The following ZC3H6 variants were observed in gnomAD, a reference collection of about 807,000 sequenced individuals.
The protein encoded by ZC3H6 is zinc finger CCCH domain-containing protein 6.
In ZC3H6, 40 loss-of-function variants were observed where a neutral mutation model predicts 107.7. That is an observed-to-expected ratio of 0.37 (90% CI 0.29 to 0.48). The LOEUF is 0.48. Ranked by LOEUF, ZC3H6 falls within the 20% of genes least tolerant of loss-of-function variation. The pLI, the probability that ZC3H6 is intolerant of heterozygous loss-of-function variation, is 0.98. For synonymous variants in ZC3H6, 493 were observed against 487.9 expected (o/e 1.01, Z -0.14); for missense variants, 1,267 against 1,410.4 (o/e 0.90, Z 1.63).
chr2:112,283,593 C>T lies in ZC3H6; in HGVS notation c.32+7567C>T, dbSNP rs180897445. ...TACATATATCAGAGTTTGTAATTTCCATAACTTCATTTGGTAGTTAGACAT... is the reference window on the plus strand; with the variant it reads ...TACATATATCAGAGTTTGTAATTTCTATAACTTCATTTGGTAGTTAGACAT... On this transcript the variant is annotated intron_variant, in intron 1 of 11. Transcript: ENST00000409871. Among the ~76,000 whole-genome samples the T allele has an allele frequency of 1.6e-3, 249 of 152,226 alleles. 1 individual carries two copies. Among genetic ancestry groups the T allele is most frequent in the African/African-American group, 5.9e-3 (244 of 41,532 alleles).
rs1310099916 is a variant in ZC3H6 at position 112,316,487 on chromosome 2, A to G, written c.765A>G (p.Lys255=). Residue 255 remains lysine (K), a synonymous_variant, in exon 6 of 12, where the codon AAA becomes AAG. Transcript: ENST00000409871. The stretch of plus-strand genomic sequence containing the variant: ...TCTTGCAGTATAATAAACCAGGGAA[A>G]AAATGGAAGGTTATGACTCAGGAAT... ...DDFQEYNKPG[K]KWKVMTQEFI... 1 of 1,607,032 alleles carries G rather than the reference A, an allele frequency of 6.2e-7. No individual in the cohort carries two copies. Among genetic ancestry groups the G allele is most frequent in the Non-Finnish European group, 8.5e-7 (1 of 1,177,518 alleles).
In ZC3H6 at chr2:112,332,256, C is replaced by G; in HGVS notation, c.3338C>G (p.Pro1113Arg). 6.2e-7 allele frequency: 1 copy of G among 1,613,914 alleles called. No individual in the cohort carries two copies. ...VGVTLEGPAD[P>R]QADVPRSSGK... ...GTCACTCTTGAGGGGCCAGCTGACC[C>G]ACAGGCGGACGTTCCCAGGAGTTCT... The change falls in exon 12 of 12, where the codon CCA (proline) becomes CGA (arginine). Residue 1113 changes from proline to arginine, a missense_variant. Physicochemically the swap from Pro to Arg is moderately radical, Grantham distance 103. Coordinates refer to ENST00000409871, the MANE Select transcript of ZC3H6 (RefSeq NM_198581.3).
At position 112,325,076 on chromosome 2, in the gene ZC3H6, G is replaced by C; in HGVS notation, c.1965G>C (p.Leu655=). 6.2e-7 allele frequency: 1 copy of C among 1,613,964 alleles called. No individual in the cohort carries two copies. Among genetic ancestry groups the C allele is most frequent in the Non-Finnish European group, 8.5e-7 (1 of 1,179,878 alleles). Residue 655 remains leucine, a synonymous_variant, in exon 11 of 12, where the codon CTG becomes CTC. Coordinates refer to ENST00000409871, the MANE Select transcript of ZC3H6 (RefSeq NM_198581.3). ...GSSTRTGHGP[L]PVPGLLPAVQ... is the part of the protein sequence containing the mutation. ...GCACTAGGACAGGCCATGGCCCTCT[G>C]CCTGTACCAGGCCTCCTCCCTGCAG... is the stretch of plus-strand genomic sequence containing the variant.
At chr2:112,277,253 C>G (rs890883388) in intron 1 of ZC3H6, among the ~76,000 whole-genome samples, 2 of 152,098 alleles carry the variant, frequency 1.3e-5, no homozygotes, top group Non-Finnish European at 2.9e-5. Context: ...GATAAGCTTG[C>G]ACTTGGCACA....
At chr2:112,299,303 T>C (rs1676316129) in intron 1 of ZC3H6, among the ~76,000 whole-genome samples, 1 of 151,028 alleles carries the variant, frequency 6.6e-6, no homozygotes, top group Non-Finnish European at 1.5e-5. Flanking sequence ...ATTTAAGAAC[T>C]GTATGCATAG....
intron 1 of ZC3H6, among the ~76,000 whole-genome samples, chr2:112,290,781 C>T (rs868126210): frequency 6.6e-6 from 1 of 152,208 alleles, no homozygotes; most frequent in African/African-American, 2.4e-5. Context: ...TGTACTTGCA[C>T]AGTAGTACTT....
intron 6 of ZC3H6, 66 bp downstream of exon 6, chr2:112,316,652 T>C: frequency 9.7e-7 from 1 of 1,032,902 alleles, no homozygotes; most frequent in South Asian, 1.7e-5. Context: ...TAAAGTCTTT[T>C]GGGGGATGGT....
intron 1 of ZC3H6, among the ~76,000 whole-genome samples, chr2:112,299,324 T>C (rs6542051): frequency 0.51 from 76,829 of 150,980 alleles, 21,702 homozygotes; most frequent in East Asian, 0.76. Context: ...GGACAAGCCA[T>C]AAGCTGCACC....
In ZC3H6 at chr2:112,333,594, T is replaced by C. The variant is rs1328592094; in HGVS notation, c.*1106T>C. On this transcript the variant is annotated 3_prime_UTR_variant, in exon 12 of 12. Transcript: ENST00000409871. ...AATCCCCTAAATTGATTAGAAATTG[T>C]ATTTTATGAAAAATAACTTGTATTC... is the stretch of plus-strand genomic sequence containing the variant. The C allele has an allele frequency of 6.6e-6, 1 of 152,170 alleles. No homozygotes were observed. The highest frequency in any genetic ancestry group is 1.5e-5 in the Non-Finnish European group (1 of 67,976). 9.4% of individuals were successfully genotyped at this position (152,170 alleles called of 1,614,324 possible).
At chr2:112,316,384 A>T in intron 5 of ZC3H6, 86 bp from the exon 6 acceptor site, 1 of 796,988 alleles carries the variant, frequency 1.3e-6, no homozygotes, top group Non-Finnish European at 2.1e-6. Context: ...GTCAATTTGT[A>T]CTTTTTTCCA....
chr2:112,293,413 A>G (rs967365501), intron 1 of ZC3H6, among the ~76,000 whole-genome samples: 2 of 152,228 alleles, frequency 1.3e-5, no homozygotes, highest in African/African-American at 2.4e-5. Flanking sequence ...TGTATTGGAT[A>G]AAGGATGAAG....
intron 11 of ZC3H6, 71 bp downstream of exon 11, chr2:112,325,268 T>G (rs1676886903): frequency 7.1e-7 from 1 of 1,414,770 alleles, no homozygotes; most frequent in African/African-American, 1.4e-5. Flanking sequence ...CCGAGGCAGG[T>G]GAATCACCTG....
intron 7 of ZC3H6, among the ~76,000 whole-genome samples, chr2:112,319,323 G>C (rs139897756): frequency 6.6e-5 from 10 of 152,080 alleles, no homozygotes; most frequent in African/African-American, 2.2e-4. Context: ...AACATAGTGA[G>C]ACACCTCCCC....
At chr2:112,280,769 A>G (rs10167090) in intron 1 of ZC3H6, among the ~76,000 whole-genome samples, 77,406 of 151,890 alleles carry the variant, frequency 0.51, 21,917 homozygotes, top group East Asian at 0.77. Flanking sequence ...AAGTAGGTTC[A>G]GGGATGATAA....
chr2:112,296,692 T>C (rs1018869140), intron 1 of ZC3H6, among the ~76,000 whole-genome samples: 1 of 152,186 alleles, frequency 6.6e-6, no homozygotes, highest in Non-Finnish European at 1.5e-5. Context: ...TTACAGCCAC[T>C]TTAGGGTCGT....
intron 2 of ZC3H6, 49 bp from the exon 3 acceptor site, chr2:112,303,180 T>A (rs1676416636): frequency 6.4e-7 from 1 of 1,574,678 alleles, no homozygotes; most frequent in African/African-American, 1.4e-5. Flanking sequence ...ACTAGTTAAA[T>A]TTTCTTCCTT....
At position 112,331,546 on chromosome 2, in the gene ZC3H6, C is replaced by T. The variant is rs375388204; in HGVS notation, c.2628C>T (p.His876=). The T allele has an allele frequency of 1.2e-5, 19 of 1,613,974 alleles. No homozygotes were observed. Among genetic ancestry groups the T allele is most frequent in the Non-Finnish European group, 1.6e-5 (19 of 1,179,876 alleles). ...TAACCAAACCCAACTTTGCAAAACA[C>T]ATCGTGTGGGCTCCCGAAGACTTAC... The part of the protein sequence containing the change: ...ITLTKPNFAK[H]IVWAPEDLLP... Residue 876 remains histidine (H), a synonymous_variant, in exon 12 of 12, where the codon CAC becomes CAT. Transcript: ENST00000409871.
chr2:112,324,338 T>G lies in ZC3H6; in HGVS notation c.1527T>G (p.Gly509=). The part of the protein sequence containing the change: ...PGHHPCAGPP[G]LPVPQSPPLP... ...ATCACCCATGTGCAGGACCTCCTGG[T>G]CTACCAGTGCCACAGAGCCCACCTT... is the stretch of plus-strand genomic sequence containing the variant. Residue 509 remains glycine, a synonymous_variant, in exon 10 of 12, where the codon GGT becomes GGG. Transcript: ENST00000409871. 3 of 1,613,896 alleles carry G rather than the reference T, an allele frequency of 1.9e-6. No individual in the cohort carries two copies. The highest frequency in any genetic ancestry group is 2.5e-6 in the Non-Finnish European group (3 of 1,179,824).
At chr2:112,330,117 A>G (rs1676997601) in intron 11 of ZC3H6, among the ~76,000 whole-genome samples, 1 of 150,356 alleles carries the variant, frequency 6.7e-6, no homozygotes, top group South Asian at 2.1e-4. Context: ...CAGTGGCTAG[A>G]TCTCAGCTCA....
Sources: allele counts gnomAD v4.1 joint callset (sites outside exome capture counted in the v4.1 genomes callset), GRCh38; gene constraint gnomAD v4.1.1; transcripts MANE v1.5; gene names NCBI Gene and HGNC (gene_info 2026-07-23, HGNC 2026-07-21).